The following USP34 variants were observed in gnomAD, a reference collection of about 807,000 sequenced individuals.
The protein encoded by USP34 is ubiquitin carboxyl-terminal hydrolase 34.
In USP34, 70 loss-of-function variants were observed where a neutral mutation model predicts 460.3. That is an observed-to-expected ratio of 0.15 (90% CI 0.13 to 0.19). The LOEUF (loss-of-function observed/expected upper bound fraction) is 0.19, where lower values mean the gene tolerates loss of function less well. USP34 is among the 10% of genes least tolerant of loss of function. The pLI, the probability that USP34 is intolerant of heterozygous loss-of-function variation, is 1.00. For missense variants in USP34, 3,985 were observed against 4,236.2 expected (o/e 0.94, Z 1.65); for synonymous variants, 1,647 against 1,405.3 (o/e 1.17, Z -3.85).
chr2:61,311,435 A>G (rs1181629816), intron 27 of USP34, 105 bp downstream of exon 27: 1 of 1,263,826 alleles, frequency 7.9e-7, no homozygotes, highest in Non-Finnish European at 1.1e-6. Context: ...CCAAGAAAGA[A>G]AAGAAAAGGA....
At chr2:61,276,132 A>T (rs992855501) in intron 41 of USP34, among the ~76,000 whole-genome samples, 1 of 152,226 alleles carries the variant, frequency 6.6e-6, no homozygotes, top group Non-Finnish European at 1.5e-5. Context: ...TCAACATCAA[A>T]ATTGGCAAAT....
At chr2:61,239,324 A>ACACC (rs1238879983) in intron 53 of USP34, among the ~76,000 whole-genome samples, 1 of 151,104 alleles carries the variant, frequency 6.6e-6, no homozygotes, top group Non-Finnish European at 1.5e-5. Flanking sequence ...ACACACACAC[A>ACACC]CACACACACA....
chr2:61,358,997 T>C (rs1584301), intron 10 of USP34, among the ~76,000 whole-genome samples: 24,420 of 152,116 alleles, frequency 0.16, 2,304 homozygotes, highest in South Asian at 0.36. Flanking sequence ...TGTTAACGGA[T>C]AGGAAGACTT....
intron 51 of USP34, 83 bp from the exon 52 acceptor site, chr2:61,241,902 G>C: frequency 1.4e-6 from 1 of 733,122 alleles, no homozygotes; most frequent in Middle Eastern, 4.0e-4. Context: ...TTCATAAACA[G>C]CTATTTTATA....
At chr2:61,259,046 G>C (rs189752244) in intron 44 of USP34, among the ~76,000 whole-genome samples, 221 of 152,252 alleles carry the variant, frequency 1.5e-3, no homozygotes, top group African/African-American at 5.1e-3. Context: ...GATCACTTGA[G>C]ATCAGGAGTT....
chr2:61,283,374 T>C (rs768002558), intron 36 of USP34, 35 bp downstream of exon 36: 47 of 1,586,448 alleles, frequency 3.0e-5, no homozygotes, highest in Non-Finnish European at 3.7e-5. Flanking sequence ...ATTCAAGTTT[T>C]TATTTATTAA....
At chr2:61,381,811 C>A (rs1248058556) in intron 6 of USP34, among the ~76,000 whole-genome samples, 2 of 152,110 alleles carry the variant, frequency 1.3e-5, no homozygotes, top group African/African-American at 4.8e-5. Flanking sequence ...TTAATGAAAA[C>A]TGTTCTGAAC....
chr2:61,360,999 C>T (rs753577159), intron 10 of USP34, among the ~76,000 whole-genome samples: 2 of 152,118 alleles, frequency 1.3e-5, no homozygotes, highest in Non-Finnish European at 2.9e-5. Context: ...AAAAAACAGC[C>T]CTAAAATTCA....
chr2:61,289,441 A>G (rs1321957538), intron 33 of USP34, among the ~76,000 whole-genome samples: 2 of 152,140 alleles, frequency 1.3e-5, no homozygotes, highest in African/African-American at 4.8e-5. Context: ...GTATGTATAA[A>G]AAATAAAATT....
At chr2:61,338,533 A>T (rs1176674825) in intron 18 of USP34, among the ~76,000 whole-genome samples, 1 of 152,222 alleles carries the variant, frequency 6.6e-6, no homozygotes, top group Admixed American at 6.5e-5. Context: ...ATTTGGTAAA[A>T]TTAGACAATC....
chr2:61,233,737 C>G (rs1483349198), intron 57 of USP34, among the ~76,000 whole-genome samples: 4 of 151,626 alleles, frequency 2.6e-5, no homozygotes, highest in Admixed American at 2.0e-4. Context: ...AGGGAGGAGG[C>G]TGAGGCAGGA....
At chr2:61,378,066 G>A (rs1016652667) in intron 8 of USP34, among the ~76,000 whole-genome samples, 7 of 152,138 alleles carry the variant, frequency 4.6e-5, no homozygotes, top group South Asian at 2.1e-4. Context: ...CCAGCTATCC[G>A]GGAGGCTGAG....
rs1321478629 is a variant in USP34, at chr2:61,405,933, T to A, written c.327A>T (p.Arg109Ser). Residue 109 changes from arginine to serine, a missense_variant, in exon 3 of 80, where the codon AGA becomes AGT. Arg to Ser is a moderately radical substitution (Grantham distance 110). Transcript: ENST00000398571. Reference protein sequence around the residue: ...NQAEEPLNIDRECNEGSTERQ... With the variant: ...NQAEEPLNIDSECNEGSTERQ... ...TTTCTGTACTTCCTTCATTACACTC[T>A]CTATCTATATTCAGTGGTTCTTCTG... 6.2e-7 allele frequency: 1 copy of A among 1,613,714 alleles called. No individual in the cohort carries two copies. The highest frequency in any genetic ancestry group is 1.3e-5 in the African/African-American group (1 of 74,858).
intron 50 of USP34, 79 bp from the exon 51 acceptor site, chr2:61,245,367 C>A: frequency 7.6e-6 from 6 of 791,948 alleles, no homozygotes; most frequent in South Asian, 6.0e-5. Flanking sequence ...TTTTGAATAA[C>A]CAATGTTACA....
At chr2:61,337,174 A>G (rs1393422839) in intron 18 of USP34, among the ~76,000 whole-genome samples, 2 of 152,106 alleles carry the variant, frequency 1.3e-5, no homozygotes, top group African/African-American at 4.8e-5. Context: ...TCCCATTCCA[A>G]CCACTCAGGG....
rs1037601461 is a variant in USP34, at chr2:61,283,350, T to C, written c.4873+59A>G. On this transcript the variant is annotated intron_variant, in intron 36 of 79. Coordinates refer to ENST00000398571, the MANE Select transcript of USP34 (RefSeq NM_014709.4). ...ACAATGTTCAATATTAAAGGTAAAATATATCAATATATTATTCAAGTTTTT... is the reference window on the plus strand; with the variant it reads ...ACAATGTTCAATATTAAAGGTAAAACATATCAATATATTATTCAAGTTTTT... The C allele has an allele frequency of 3.2e-6, 5 of 1,569,110 alleles. No homozygotes were observed. In the South Asian group the frequency reaches 6.0e-5, roughly 19 times the overall value.
At chr2:61,266,408 G>A (rs530716962) in intron 41 of USP34, among the ~76,000 whole-genome samples, 1 of 152,132 alleles carries the variant, frequency 6.6e-6, no homozygotes, top group African/African-American at 2.4e-5. Context: ...GACTCTTCAC[G>A]TACAATGTTG....
chr2:61,313,465 G>T (rs769125794), intron 25 of USP34, among the ~76,000 whole-genome samples: 1 of 152,128 alleles, frequency 6.6e-6, no homozygotes, highest in Admixed American at 6.5e-5. Context: ...AAAAATTTTA[G>T]AAGTATGGGT....
intron 10 of USP34, among the ~76,000 whole-genome samples, chr2:61,363,540 G>A (rs1342361466): frequency 2.0e-5 from 3 of 152,198 alleles, no homozygotes; most frequent in South Asian, 2.1e-4. Context: ...GTAACTCAAC[G>A]GTAAATAACA....
Sources: allele counts gnomAD v4.1 joint callset (sites outside exome capture counted in the v4.1 genomes callset), GRCh38; gene constraint gnomAD v4.1.1; transcripts MANE v1.5; gene names NCBI Gene and HGNC (gene_info 2026-07-23, HGNC 2026-07-21).